The following RBFOX3 variants were observed in gnomAD, a reference collection of about 807,000 sequenced individuals.
RBFOX3 encodes RNA binding protein fox-1 homolog 3.
A neutral mutation model predicts 48.7 loss-of-function variants in RBFOX3; 17 were observed. That is an observed-to-expected ratio of 0.35 (90% CI 0.24 to 0.52). RBFOX3 has a LOEUF of 0.52. RBFOX3 is among the 20% of genes least tolerant of loss of function. RBFOX3 has a pLI of 0.94. For missense variants in RBFOX3, 382 were observed against 497.5 expected, an observed-to-expected ratio of 0.77 and a Z score of 2.21; for synonymous variants, 212 against 209.5, an observed-to-expected ratio of 1.01 and a Z score of -0.10.
chr17:79,327,812 C>T (rs533242546), intron 2 of RBFOX3, among the ~76,000 whole-genome samples: 18 of 152,288 alleles, frequency 1.2e-4, no homozygotes, highest in Admixed American at 1.1e-3. Context: ...TCTCCTGCCT[C>T]AGCCTCCAGA....
the RBFOX3 span, among the ~76,000 whole-genome samples, chr17:79,651,821 T>C: frequency 6.0e-5 from 1 of 16,752 alleles, no homozygotes; most frequent in East Asian, 4.3e-3. Context: ...CTCTCTGTCT[T>C]CTTCCTCTCT....
chr17:79,097,182 C>A (rs1022206457), intron 11 of RBFOX3, 110 bp downstream of exon 11: 25 of 924,494 alleles, frequency 2.7e-5, no homozygotes, highest in African/African-American at 3.4e-5. Flanking sequence ...CTCCCCCCCC[C>A]CAGGTCTGGA....
Position 79,205,810 on chromosome 17 carries a change from A to G in RBFOX3, c.-34+29956T>C, listed in dbSNP as rs935010510. 6.7e-6 allele frequency among the ~76,000 whole-genome samples: 1 copy of G among 149,290 alleles called. No homozygotes were observed. Among genetic ancestry groups the G allele is most frequent in the African/African-American group, 2.5e-5 (1 of 40,726 alleles). ...ATATGGAAAATGTATTTTCCAGTCC[A>G]TGTCCATAAAGAGTCAAAAGCAGTT... On this transcript the variant is annotated intron_variant, in intron 4 of 14. Transcript: ENST00000693108. This position sits in a 1 kb window ranked among gnomAD's most constrained non-coding sequence, Gnocchi z 4.5.
At chr17:79,513,291 G>C (rs1290819258) in intron 1 of RBFOX3, among the ~76,000 whole-genome samples, 1 of 152,128 alleles carries the variant, frequency 6.6e-6, no homozygotes, top group African/African-American at 2.4e-5. Context: ...GTCACCATTG[G>C]GCACGGTCCC....
rs534257242 is a variant in RBFOX3 at position 79,421,338 on chromosome 17, C to T, written c.-175+61116G>A. ...CTGAGAGTGGTTCTGGAAGCCTCTA[C>T]GCTTGAGGCTGGTGTCAGAAGTGGG... On this transcript the variant is annotated intron_variant, in intron 2 of 14. Coordinates refer to ENST00000693108, the MANE Select transcript of RBFOX3 (RefSeq NM_001350451.2). This position sits in a 1 kb window ranked among gnomAD's most constrained non-coding sequence, Gnocchi z 4.5. Among the ~76,000 whole-genome samples the T allele has an allele frequency of 3.3e-5, 5 of 152,168 alleles. No homozygotes were observed. The highest frequency in any genetic ancestry group is 4.8e-5 in the African/African-American group (2 of 41,438).
At position 79,363,257 on chromosome 17, in the gene RBFOX3, G is replaced by A. The variant is rs879299512; in HGVS notation, c.-174-55433C>T. The stretch of plus-strand genomic sequence containing the variant: ...CAGAGAGGGGACATGGCTCACGGGT[G>A]ACAGTTAGGGTCAATGTGCAGAAGA... On this transcript the variant is annotated intron_variant, in intron 2 of 14. Transcript: ENST00000693108. The surrounding 1 kb of genome is among the most constrained non-coding windows in gnomAD (Gnocchi z 4.7). Among the ~76,000 whole-genome samples, 5 of 152,150 alleles carry A rather than the reference G, an allele frequency of 3.3e-5. No homozygotes were observed. The highest frequency in any genetic ancestry group is 7.3e-5 in the Non-Finnish European group (5 of 68,032).
chr17:79,158,084 C>T (rs549102245), intron 4 of RBFOX3, among the ~76,000 whole-genome samples: 1 of 152,260 alleles, frequency 6.6e-6, no homozygotes, highest in South Asian at 2.1e-4. Context: ...TCCAACATGA[C>T]TAGCATCCTT....
the RBFOX3 span, among the ~76,000 whole-genome samples, chr17:79,656,959 C>T: frequency 2.0e-5 from 3 of 149,978 alleles, no homozygotes; most frequent in Non-Finnish European, 4.4e-5. Flanking sequence ...GGCAGTAGGC[C>T]GGATTTTGCT....
At chr17:79,267,387 C>G (rs1201791408) in intron 3 of RBFOX3, among the ~76,000 whole-genome samples, 1 of 151,872 alleles carries the variant, frequency 6.6e-6, no homozygotes, top group South Asian at 2.1e-4. Context: ...CCATGTCACT[C>G]TCTCTCTTTT....
At chr17:79,163,330 G>T (rs1443461992) in intron 4 of RBFOX3, among the ~76,000 whole-genome samples, 1 of 152,240 alleles carries the variant, frequency 6.6e-6, no homozygotes, top group Non-Finnish European at 1.5e-5. Flanking sequence ...TGTTCTGAGG[G>T]TGTCAAGAGG....
intron 4 of RBFOX3, among the ~76,000 whole-genome samples, chr17:79,223,172 C>T (rs1386583950): frequency 6.6e-6 from 1 of 152,180 alleles, no homozygotes; most frequent in Non-Finnish European, 1.5e-5. Context: ...TAAAACTCCA[C>T]ACCTTGAGTG....
In RBFOX3 at chr17:79,477,315, G is replaced by C. The variant is rs1362013631; in HGVS notation, c.-175+5139C>G. The stretch of plus-strand genomic sequence containing the variant: ...CTCACACCTGTAATCCCAGCACTTT[G>C]GGAGGCCAAGGCAGGTGGATCACGA... On this transcript the variant is annotated intron_variant, in intron 2 of 14. Transcript: ENST00000693108. The surrounding 1 kb of genome is among the most constrained non-coding windows in gnomAD (Gnocchi z 4.8). Among the ~76,000 whole-genome samples the C allele has an allele frequency of 1.3e-5, 2 of 150,362 alleles. No individual in the cohort carries two copies. Among genetic ancestry groups the C allele is most frequent in the Non-Finnish European group, 3.0e-5 (2 of 67,736 alleles).
chr17:79,565,039 C>CAAAA (rs1303157702), intron 1 of RBFOX3, among the ~76,000 whole-genome samples: 3 of 113,944 alleles, frequency 2.6e-5, no homozygotes, highest in East Asian at 2.5e-4. Context: ...GACTCTGTCT[C>CAAAA]AAAAAAAAAA....
chr17:79,468,223 A>G (rs1418556422), intron 2 of RBFOX3, among the ~76,000 whole-genome samples: 5 of 152,228 alleles, frequency 3.3e-5, no homozygotes, highest in African/African-American at 1.2e-4. Context: ...GAAATTAATG[A>G]GTTCCACACA....
chr17:79,277,810 C>T (rs535269888), intron 3 of RBFOX3, among the ~76,000 whole-genome samples: 41 of 152,320 alleles, frequency 2.7e-4, no homozygotes, highest in Admixed American at 2.0e-3. Flanking sequence ...TCGGAGACAG[C>T]GTGTGCAAAC....
intron 1 of RBFOX3, among the ~76,000 whole-genome samples, chr17:79,602,985 AC>A (rs1183296025): frequency 2.3e-5 from 2 of 85,638 alleles, no homozygotes; most frequent in East Asian, 3.5e-4. Context: ...TCCTTGAGCT[AC>A]CCTTTTTTTT....
chr17:79,293,449 T>A (rs2073777830), intron 3 of RBFOX3, among the ~76,000 whole-genome samples: 1 of 123,296 alleles, frequency 8.1e-6, no homozygotes, highest in South Asian at 3.1e-4. Context: ...CCTTCCTTCC[T>A]TCCTTCCTTC....
intron 2 of RBFOX3, among the ~76,000 whole-genome samples, chr17:79,308,315 C>T (rs2076361932): frequency 6.6e-6 from 1 of 152,212 alleles, no homozygotes; most frequent in Admixed American, 6.5e-5. Flanking sequence ...GAGCAGCCCT[C>T]GTGGTTTGTA....
At chr17:79,152,687 A>G (rs1396799554) in intron 4 of RBFOX3, among the ~76,000 whole-genome samples, 1 of 152,224 alleles carries the variant, frequency 6.6e-6, no homozygotes, top group African/African-American at 2.4e-5. Flanking sequence ...TGTCACAGCC[A>G]GCGAGAGGGC....
Sources: gnomAD v4.1 joint callset for allele counts (sites outside exome capture counted in the v4.1 genomes callset) on GRCh38, gnomAD v4.1.1 for gene constraint, Gnocchi (gnomAD v3.1) non-coding constraint, MANE v1.5 for transcripts, NCBI Gene and HGNC (gene_info 2026-07-23, HGNC 2026-07-21) for gene names.